DNAH8: variants seen among roughly 807,000 people sequenced by gnomAD.
DNAH8 encodes the protein dynein axonemal heavy chain 8, also known as axonemal beta dynein heavy chain 8.
In DNAH8, 382 loss-of-function variants were observed where a neutral mutation model predicts 562.1. That is an observed-to-expected ratio of 0.68 (90% confidence interval 0.63 to 0.74). The LOEUF is 0.74. DNAH8 is among the 30% of genes least tolerant of loss of function. The pLI, the probability that DNAH8 is intolerant of heterozygous loss-of-function variation, is 0.00. For missense variants in DNAH8, 5,203 were observed against 5,620.4 expected (o/e 0.93, Z 2.37); for synonymous variants, 1,881 against 1,919.4 (o/e 0.98, Z 0.52).
At chr6:39,025,960 C>T (rs554487146) in intron 91 of DNAH8, among the ~76,000 whole-genome samples, 14 of 152,300 alleles carry the variant, frequency 9.2e-5, no homozygotes, top group African/African-American at 2.4e-4. Flanking sequence ...CCACAGTGTA[C>T]GTAACTGCAT....
At position 38,750,582 on chromosome 6, in the gene DNAH8, A is replaced by G; in HGVS notation, c.1400A>G (p.His467Arg). ...AAAGTGTGTCAACCTCTCTATAACC[A>G]TGACCTAGTAAGTATGCTTTTAAAG... ...LEKVCQPLYN[H>R]DLVSMAHGIQ... is the part of the protein sequence containing the mutation. The change falls in exon 9 of 93, where the codon CAT becomes CGT. Residue 467 changes from histidine to arginine, a missense_variant. This residue lies in a region of DNAH8 where 2,176 missense variants were observed against 2,365.1 expected (regional missense o/e 0.92). Transcript: ENST00000327475. 1 of 1,577,812 alleles carries G rather than the reference A, an allele frequency of 6.3e-7. No individual in the cohort carries two copies. The highest frequency in any genetic ancestry group is 8.7e-7 in the Non-Finnish European group (1 of 1,150,168).
chr6:38,789,146 G>A (rs1287036095), intron 18 of DNAH8, among the ~76,000 whole-genome samples: 1 of 152,184 alleles, frequency 6.6e-6, no homozygotes, highest in Non-Finnish European at 1.5e-5. Flanking sequence ...TTTAGCCAGT[G>A]TCAAGTAGAA....
intron 88 of DNAH8, among the ~76,000 whole-genome samples, chr6:39,002,193 C>T (rs1583547010): frequency 1.3e-5 from 2 of 152,152 alleles, no homozygotes; most frequent in East Asian, 3.9e-4. Context: ...CAATGTTACC[C>T]AGGCTTACCT....
At chr6:38,835,996 A>G (rs1462187804) in intron 32 of DNAH8, among the ~76,000 whole-genome samples, 1 of 152,190 alleles carries the variant, frequency 6.6e-6, no homozygotes, top group Non-Finnish European at 1.5e-5. Context: ...CAAGCAAGTG[A>G]CACCTGTATA....
chr6:38,762,644 C>T (rs996589052), intron 11 of DNAH8, among the ~76,000 whole-genome samples: 4 of 152,110 alleles, frequency 2.6e-5, no homozygotes, highest in African/African-American at 9.7e-5. Context: ...ATTAAAGTGA[C>T]CTGTTCATTG....
intron 20 of DNAH8, among the ~76,000 whole-genome samples, 174 bp downstream of exon 20, chr6:38,790,579 C>A (rs1769637717): frequency 6.6e-6 from 1 of 151,996 alleles, no homozygotes; most frequent in East Asian, 1.9e-4. Flanking sequence ...AATCCCAGCA[C>A]TTTGGGAGGC....
At chr6:38,857,446 G>A in intron 41 of DNAH8, 72 bp from the exon 42 acceptor site, 1 of 981,884 alleles carries the variant, frequency 1.0e-6, no homozygotes, top group Non-Finnish European at 1.6e-6. Flanking sequence ...GTGAATAAGT[G>A]ACCACCAAAT....
chr6:38,720,541 T>A (rs1582816810), intron 1 of DNAH8, among the ~76,000 whole-genome samples: 1 of 152,146 alleles, frequency 6.6e-6, no homozygotes, highest in Non-Finnish European at 1.5e-5. Context: ...GTGCTGGAAA[T>A]GAGTCAGTGA....
chr6:38,738,056 G>A (rs1028088182), intron 7 of DNAH8, 84 bp downstream of exon 7: 2 of 1,397,126 alleles, frequency 1.4e-6, no homozygotes, highest in Non-Finnish European at 1.0e-6. Flanking sequence ...ACAGCAAAGG[G>A]AAGAGGTGTC....
rs112278249 is a variant in DNAH8 at position 38,769,551 on chromosome 6, C to T, written c.1618-862C>T. 5.3e-3 allele frequency among the ~76,000 whole-genome samples: 813 copies of T among 152,256 alleles called. 7 individuals are homozygous for T. Among genetic ancestry groups the T allele is most frequent in the African/African-American group, 0.018 (767 of 41,550 alleles). On this transcript the variant is annotated intron_variant, in intron 11 of 92. Transcript: ENST00000327475. ...GTTAAAAATATAGATTTCTAAGTCC[C>T]ACTTGCAGAAATTCTGATTTAGTGG...
chr6:38,740,779 T>G (rs1322893377), intron 7 of DNAH8, among the ~76,000 whole-genome samples: 1 of 152,080 alleles, frequency 6.6e-6, no homozygotes, highest in East Asian at 1.9e-4. Flanking sequence ...CACATCCGAC[T>G]AATTTAAAAA....
chr6:39,016,550 C>CA (rs34460245), intron 91 of DNAH8, among the ~76,000 whole-genome samples: 14,907 of 94,962 alleles, frequency 0.16, 956 homozygotes, highest in Admixed American at 0.26. Context: ...GACTCTGTCT[C>CA]AAAAAAAAAA....
intron 56 of DNAH8, 48 bp from the exon 57 acceptor site, chr6:38,886,743 G>C (rs765458778): frequency 6.7e-6 from 9 of 1,346,372 alleles, no homozygotes; most frequent in African/African-American, 1.4e-5. Flanking sequence ...AGTTATGGAG[G>C]AATATGATAG....
In DNAH8 at chr6:38,832,396, T is replaced by C; in HGVS notation, c.4263T>C (p.Phe1421=). The C allele has an allele frequency of 6.2e-7, 1 of 1,613,588 alleles. No homozygotes were observed. The highest frequency in any genetic ancestry group is 8.5e-7 in the Non-Finnish European group (1 of 1,179,544). ...ATCTACTTGAGTCTGTGGAAGTTTT[T>C]CGTGAGGACGTGATAAACTTTGCAG... is the stretch of plus-strand genomic sequence containing the variant. The part of the protein sequence containing the change: ...KSNLLESVEV[F]REDVINFAEA... The change falls in exon 31 of 93, where the codon TTT becomes TTC. Residue 1421 remains phenylalanine (F), a synonymous_variant. Transcript: ENST00000327475.
At chr6:38,980,886 T>A (rs1227837779) in intron 85 of DNAH8, among the ~76,000 whole-genome samples, 1 of 152,128 alleles carries the variant, frequency 6.6e-6, no homozygotes, top group Non-Finnish European at 1.5e-5. Context: ...CCTTTGAATT[T>A]TCTGAATTCC....
intron 14 of DNAH8, among the ~76,000 whole-genome samples, chr6:38,779,623 T>A (rs1768392153): frequency 6.6e-6 from 1 of 152,246 alleles, no homozygotes; most frequent in African/African-American, 2.4e-5. Flanking sequence ...CTAAGCCATC[T>A]CCTCACTCAT....
At position 38,947,103 on chromosome 6, in the gene DNAH8, A is replaced by G. The variant is rs968752332; in HGVS notation, c.12129+1515A>G. 3.3e-5 allele frequency among the ~76,000 whole-genome samples: 5 copies of G among 152,322 alleles called. No homozygotes were observed. In the East Asian group the frequency reaches 9.7e-4, roughly 29 times the overall value. ...TATAGATGAGATAACAGAGATTCAA[A>G]GAGTTAGTTAAGTACTTGCCCAAGA... On this transcript the variant is annotated intron_variant, in intron 80 of 92. Transcript: ENST00000327475.
chr6:38,959,794 T>C (rs1415704510), intron 82 of DNAH8, among the ~76,000 whole-genome samples: 2 of 151,012 alleles, frequency 1.3e-5, no homozygotes, highest in African/African-American at 4.9e-5. Context: ...CCACACAAAA[T>C]CCCAAATAGC....
intron 63 of DNAH8, among the ~76,000 whole-genome samples, chr6:38,907,268 G>A (rs1780549854): frequency 6.6e-6 from 1 of 152,160 alleles, no homozygotes; most frequent in Non-Finnish European, 1.5e-5. Flanking sequence ...AGTATGAAGG[G>A]CAGTAACATA....
Sources: gnomAD v4.1 joint callset for allele counts (sites outside exome capture counted in the v4.1 genomes callset) on GRCh38, gnomAD v4.1.1 for gene constraint, gnomAD v4.1.1 regional missense constraint, MANE v1.5 for transcripts, NCBI Gene and HGNC (gene_info 2026-07-23, HGNC 2026-07-21) for gene names.